NCL: variants seen among roughly 807,000 people sequenced by gnomAD.
NCL encodes nucleolin multifunctional protein.
A neutral mutation model predicts 77.7 loss-of-function variants in NCL; 4 were observed. The observed-to-expected ratio is 0.05, with a 90% confidence interval of 0.03 to 0.12. The LOEUF (loss-of-function observed/expected upper bound fraction) is 0.12. Ranked by LOEUF, NCL falls within the 10% of genes least tolerant of loss-of-function variation. The pLI is 1.00. For missense variants in NCL, 763 were observed against 860.9 expected (o/e 0.89, Z 1.42); for synonymous variants, 344 against 297.8 (o/e 1.16, Z -1.60).
Position 231,455,265 on chromosome 2 carries a change from G to C in NCL, c.2059C>G (p.Arg687Gly), listed in dbSNP as rs2046874181. Residue 687 changes from arginine (R) to glycine (G), a missense_variant and splice_region_variant, in exon 14 of 14, where the codon CGA becomes GGA. By Grantham distance (125) the Arg-to-Gly change is moderately radical. Coordinates refer to ENST00000322723, the MANE Select transcript of NCL (RefSeq NM_005381.3). ...GGRGRGGFGG[R>G]GGFRGGRGGG... ...CCTCTGCCTCCTCGGAAGCCTCCTC[G>C]CCCTACAGGAGGAAGGCAAGACACT... 2 of 1,614,020 alleles carry C rather than the reference G, an allele frequency of 1.2e-6. No individual in the cohort carries two copies. Among genetic ancestry groups the C allele is most frequent in the Non-Finnish European group, 1.7e-6 (2 of 1,179,986 alleles).
intron 8 of NCL, 64 bp from the exon 9 acceptor site, chr2:231,457,864 A>G: frequency 1.4e-6 from 2 of 1,413,868 alleles, no homozygotes; most frequent in East Asian, 2.4e-5. Flanking sequence ...CTTTTACCTC[A>G]GCAACACAGA....
At chr2:231,457,340 C>A (rs1158276002) in intron 9 of NCL, 3 of 784,920 alleles carry the variant, frequency 3.8e-6, no homozygotes, top group East Asian at 5.4e-5. Flanking sequence ...GATGACTGGT[C>A]TGTTTTCCTA....
At chr2:231,456,889 T>C (rs180813901) in intron 10 of NCL, 112 bp downstream of exon 10, 8 of 1,555,466 alleles carry the variant, frequency 5.1e-6, no homozygotes, top group Non-Finnish European at 7.0e-6. Flanking sequence ...TTACACTCAT[T>C]TACGTAGCTA....
Position 231,453,897 on chromosome 2 carries a change from C to T in NCL, c.*1294G>A, listed in dbSNP as rs543118165. 6.6e-6 allele frequency: 1 copy of T among 152,346 alleles called. No homozygotes were observed. Among genetic ancestry groups the T allele is most frequent in the Admixed American group, 6.5e-5 (1 of 15,306 alleles). The allele number at this position is 152,346 out of a possible 1,614,324, so 9.4% of individuals were successfully genotyped here. A position where few individuals can be genotyped will look rare whatever the true frequency, so the allele number is the denominator to read the frequency against. On this transcript the variant is annotated 3_prime_UTR_variant, in exon 14 of 14. Transcript: ENST00000322723. The stretch of plus-strand genomic sequence containing the variant: ...AGTTGGACTAGAACAGGTTTTTGGA[C>T]TTGGCTACCTACATTGATTTTGGGC...
intron 9 of NCL, 150 bp from the exon 10 acceptor site, chr2:231,457,274 C>T: frequency 9.2e-7 from 1 of 1,091,230 alleles, no homozygotes; most frequent in Non-Finnish European, 1.4e-6. Context: ...TGTTACTCAA[C>T]ATATTAAGTA....
chr2:231,459,203 T>C (rs1265155375), intron 6 of NCL, 78 bp from the exon 7 acceptor site: 5 of 1,390,570 alleles, frequency 3.6e-6, no homozygotes, highest in Middle Eastern at 1.9e-4. Context: ...TCTAGACAAA[T>C]GTGATGGTGC....
At position 231,456,379 on chromosome 2, in the gene NCL, G is replaced by A. The variant is rs145953863; in HGVS notation, c.1706-243C>T. 7 of 895,272 alleles carry A rather than the reference G, an allele frequency of 7.8e-6. No individual in the cohort carries two copies. In the African/African-American group the frequency reaches 9.8e-5, roughly 13 times the overall value. 55.5% of individuals were successfully genotyped at this position (895,272 alleles called of 1,614,324 possible). A position where few individuals can be genotyped will look rare whatever the true frequency, so the allele number is the denominator to read the frequency against. ...ATGGAAAGTGGGAGAAGCAACCCAA[G>A]CAGGTGGGGCCCAGTGGATGGGGCA... On this transcript the variant is annotated intron_variant, in intron 11 of 13. Coordinates refer to ENST00000322723, the MANE Select transcript of NCL (RefSeq NM_005381.3).
At chr2:231,455,824 A>G (rs764256235) in intron 12 of NCL, 186 bp downstream of exon 12, 1 of 1,182,270 alleles carries the variant, frequency 8.5e-7, no homozygotes, top group Non-Finnish European at 1.3e-6. Flanking sequence ...ACAGCTAAAT[A>G]TACCTCTGTA....
chr2:231,460,706 A>C lies in NCL; in HGVS notation c.774T>G (p.Asp258Glu), dbSNP rs758469835. 1.4e-5 allele frequency: 19 copies of C among 1,349,028 alleles called. No individual in the cohort carries two copies. The East Asian group carries it at 4.3e-4, about 30-fold the overall frequency. 83.6% of individuals were successfully genotyped at this position (1,349,028 alleles called of 1,614,324 possible). A position where few individuals can be genotyped will look rare whatever the true frequency, so the allele number is the denominator to read the frequency against. Reference protein sequence around the residue: ...DDDEDDEDDDDEDDEEEEEEE... With the variant: ...DDDEDDEDDDEEDDEEEEEEE... ...CTTCTTCCTCCTCCTCATCATCTTC[A>C]TCATCATCATCTTCATCATCTTCGT... Residue 258 changes from aspartate to glutamate, a missense_variant, in exon 4 of 14, where the codon GAT (aspartate) becomes GAG (glutamate). Transcript: ENST00000322723.
rs779026377 is a variant in NCL, at chr2:231,461,857, G to C, written c.296C>G (p.Thr99Arg). The change falls in exon 3 of 14, where the codon ACA (threonine) becomes AGA (arginine). Residue 99 changes from threonine to arginine, a missense_variant. By Grantham distance (71) the Thr-to-Arg change is moderately conservative. Coordinates refer to ENST00000322723, the MANE Select transcript of NCL (RefSeq NM_005381.3). ...AGGTGTGGTAACTGCTTTGGCTGGTGTAACTGTCTTCTTGGCAGGTGTTGC... is the reference window on the plus strand; with the variant it reads ...AGGTGTGGTAACTGCTTTGGCTGGTCTAACTGTCTTCTTGGCAGGTGTTGC... ...AAATPAKKTV[T>R]PAKAVTTPGK... 1.2e-6 allele frequency: 2 copies of C among 1,614,116 alleles called. No homozygotes were observed. The highest frequency in any genetic ancestry group is 1.3e-5 in the African/African-American group (1 of 74,944).
At chr2:231,464,244 G>A (rs2046979160) in intron 1 of NCL, 92 bp downstream of exon 1, 1 of 1,523,168 alleles carries the variant, frequency 6.6e-7, no homozygotes, top group East Asian at 2.5e-5. Context: ...GAACGCGCCC[G>A]GGACTGCGCG....
chr2:231,456,459 A>G, intron 11 of NCL, 172 bp downstream of exon 11: 2 of 1,210,798 alleles, frequency 1.7e-6, no homozygotes, highest in Non-Finnish European at 2.4e-6. Context: ...TCAGAACTTG[A>G]CTATCTAGAG....
At position 231,458,500 on chromosome 2, in the gene NCL, A is replaced by C. The variant is rs115941080; in HGVS notation, c.1166-111T>G. The stretch of plus-strand genomic sequence containing the variant: ...AGCTCTATTCAACAAATAATTTGAG[A>C]TCCTATAATGTACAAGGCTCGGTGC... On this transcript the variant is annotated intron_variant, in intron 7 of 13. Transcript: ENST00000322723. 5.2e-6 allele frequency: 7 copies of C among 1,344,474 alleles called. No individual in the cohort carries two copies. The African/African-American group carries it at 8.8e-5, about 17-fold the overall frequency. 83.3% of individuals were successfully genotyped at this position (1,344,474 alleles called of 1,614,324 possible). A position where few individuals can be genotyped will look rare whatever the true frequency, so the allele number is the denominator to read the frequency against.
intron 2 of NCL, 30 bp downstream of exon 2, chr2:231,463,170 A>G (rs779835200): frequency 1.4e-6 from 2 of 1,473,278 alleles, no homozygotes; most frequent in Admixed American, 2.1e-5. Flanking sequence ...TAGTTTTAAC[A>G]TAATTCTGCA....
chr2:231,460,349 C>G lies in NCL; in HGVS notation c.899-56G>C, dbSNP rs181691113. 3.7e-6 allele frequency: 6 copies of G among 1,611,722 alleles called. No individual in the cohort carries two copies. In the African/African-American group the frequency reaches 6.7e-5, roughly 18 times the overall value. ...TGTAGTGTGGTAAAAAGTTAGTTTC[C>G]AAAGCAAAATTTCTATACACAGCAC... On this transcript the variant is annotated intron_variant, in intron 5 of 13. Transcript: ENST00000322723.
intron 2 of NCL, 111 bp from the exon 3 acceptor site, chr2:231,462,128 T>C (rs993674088): frequency 2.3e-6 from 3 of 1,311,658 alleles, no homozygotes; most frequent in Admixed American, 1.7e-5. Flanking sequence ...CAAGACCACA[T>C]GCACTAGACA....
chr2:231,455,873 C>G, intron 12 of NCL, 137 bp downstream of exon 12: 2 of 1,394,058 alleles, frequency 1.4e-6, no homozygotes, highest in Non-Finnish European at 2.0e-6. Context: ...TGTGAATTCT[C>G]TCTTCTTCTC....
At chr2:231,455,314 C>G (rs777584736) in intron 13 of NCL, 47 bp from the exon 14 acceptor site, 1 of 1,613,720 alleles carries the variant, frequency 6.2e-7, no homozygotes, top group South Asian at 1.1e-5. Context: ...GTACAAAGCT[C>G]CTCCTCCCCA....
intron 11 of NCL, 36 bp from the exon 12 acceptor site, chr2:231,456,172 TCA>T (rs2046885998): frequency 1.9e-6 from 3 of 1,612,664 alleles, no homozygotes; most frequent in East Asian, 2.2e-5. Context: ...TTATGTGAAG[TCA>T]CAGTTCGTAA....
Sources: gnomAD v4.1 joint callset for allele counts on GRCh38, gnomAD v4.1.1 for gene constraint, MANE v1.5 for transcripts, NCBI Gene and HGNC (gene_info 2026-07-23, HGNC 2026-07-21) for gene names.